The following TACC1 variants were observed in gnomAD, a reference collection of about 807,000 sequenced individuals.
TACC1 encodes transforming acidic coiled-coil-containing protein 1.
In TACC1, 48 loss-of-function variants were observed where a neutral mutation model predicts 84.4. The ratio of observed to expected loss-of-function variants is 0.57; its 90% CI spans 0.45 to 0.72. The LOEUF (loss-of-function observed/expected upper bound fraction) is 0.72. Ranked by LOEUF, TACC1 falls within the 30% of genes least tolerant of loss-of-function variation. The pLI, the probability that TACC1 is intolerant of heterozygous loss-of-function variation, is 0.00. For synonymous variants in TACC1, 372 were observed against 376.3 expected, an observed-to-expected ratio of 0.99 and a Z score of 0.13; for missense variants, 920 against 973.0, an observed-to-expected ratio of 0.95 and a Z score of 0.72.
At chr8:38,815,318 G>A (rs2088486862) in intron 2 of TACC1, among the ~76,000 whole-genome samples, 1 of 152,190 alleles carries the variant, frequency 6.6e-6, no homozygotes, top group Non-Finnish European at 1.5e-5. Context: ...TTTTAGAGAT[G>A]CACTTCCCAC....
chr8:38,832,098 C>T (rs1463426146), intron 6 of TACC1, among the ~76,000 whole-genome samples: 3 of 152,236 alleles, frequency 2.0e-5, no homozygotes, highest in African/African-American at 4.8e-5. Flanking sequence ...TGAGCCACTG[C>T]GCCCAGCCCA....
In TACC1 at chr8:38,787,433, GC is replaced by G; in HGVS notation, c.-145del. 7.4e-7 allele frequency: 1 copy of G among 1,357,104 alleles called. No individual in the cohort carries two copies. The highest frequency in any genetic ancestry group is 9.4e-7 in the Non-Finnish European group (1 of 1,061,076). 84.1% of individuals were successfully genotyped at this position (1,357,104 alleles called of 1,614,324 possible). ...CGGCGGGAGGAAGCGCTCCACCAGGGCCCCCGACGGCACTCGTTTAACCACA... is the reference window on the plus strand; with the variant it reads ...CGGCGGGAGGAAGCGCTCCACCAGGGCCCCGACGGCACTCGTTTAACCACA... On this transcript the variant is annotated 5_prime_UTR_variant, in exon 1 of 13. Coordinates refer to ENST00000317827, the MANE Select transcript of TACC1 (RefSeq NM_006283.3).
At chr8:38,789,462 A>T (rs1818143177) in intron 2 of TACC1, among the ~76,000 whole-genome samples, 1 of 152,248 alleles carries the variant, frequency 6.6e-6, no homozygotes, top group Non-Finnish European at 1.5e-5. Context: ...TTTACTAAAT[A>T]GAGTGCACTG....
chr8:38,750,657 A>G (rs900351870), intron 3 of TACC1, among the ~76,000 whole-genome samples: 1 of 152,260 alleles, frequency 6.6e-6, no homozygotes, highest in Non-Finnish European at 1.5e-5. Flanking sequence ...ACAAAAATCA[A>G]TTCTGTCTCA....
At chr8:38,785,532 G>A, upstream of TACC1, 1 of 246,496 alleles carries the variant, frequency 4.1e-6, no homozygotes, top group Non-Finnish European at 6.5e-6. Flanking sequence ...ATTTACAGTA[G>A]ATCATGAAAG....
At position 38,848,119 on chromosome 8, in the gene TACC1, G is replaced by GA; in HGVS notation, c.*97dup. 6.6e-6 allele frequency: 8 copies of GA among 1,216,520 alleles called. No individual in the cohort carries two copies. The highest frequency in any genetic ancestry group is 1.6e-5 in the African/African-American group (1 of 64,386). The allele number at this position is 1,216,520 out of a possible 1,614,324, so 75.4% of individuals were successfully genotyped here. A position where few individuals can be genotyped will look rare whatever the true frequency, so the allele number is the denominator to read the frequency against. On this transcript the variant is annotated 3_prime_UTR_variant, in exon 13 of 13. Transcript: ENST00000317827. ...ATCCAGGAATAATTGCCCCTTTGCA[G>GA]AGAAAAAAAAAAACTTAAAAAAAGC...
chr8:38,764,833 T>C (rs754500222), intron 3 of TACC1, among the ~76,000 whole-genome samples: 1 of 152,184 alleles, frequency 6.6e-6, no homozygotes, highest in Non-Finnish European at 1.5e-5. Flanking sequence ...GCACGGTGGC[T>C]AACACCTGTA....
chr8:38,832,956 C>G (rs1204340385), intron 6 of TACC1, among the ~76,000 whole-genome samples: 1 of 152,146 alleles, frequency 6.6e-6, no homozygotes, highest in African/African-American at 2.4e-5. Context: ...ATAGACTGGT[C>G]TTTGTTGGTC....
chr8:38,773,446 T>G (rs556423711), intron 3 of TACC1, among the ~76,000 whole-genome samples: 2 of 148,590 alleles, frequency 1.3e-5, no homozygotes, highest in Middle Eastern at 3.3e-3. Context: ...AAATAAATAC[T>G]AATATAATAT....
chr8:38,793,618 A>G (rs1039889400), intron 2 of TACC1, among the ~76,000 whole-genome samples: 1 of 152,116 alleles, frequency 6.6e-6, no homozygotes, highest in Admixed American at 6.5e-5. Context: ...TGAAATATAT[A>G]TTTTGGTAGA....
chr8:38,745,269 G>C, exon 3 of TACC1: 1 of 482,608 alleles, frequency 2.1e-6, no homozygotes, highest in Non-Finnish European at 3.7e-6. Context: ...AACAGAGCTC[G>C]CAGTTCAGGC....
intron 2 of TACC1, among the ~76,000 whole-genome samples, chr8:38,806,288 C>A (rs900561805): frequency 1.4e-4 from 22 of 152,140 alleles, no homozygotes; most frequent in African/African-American, 4.8e-4. Context: ...GACCTTGACT[C>A]CGTCATGCCA....
intron 2 of TACC1, among the ~76,000 whole-genome samples, chr8:38,812,906 T>C (rs183186960): frequency 2.0e-5 from 3 of 152,354 alleles, no homozygotes; most frequent in Admixed American, 2.0e-4. Context: ...ATAAAAATAC[T>C]TAGGTATTTG....
intron 2 of TACC1, among the ~76,000 whole-genome samples, chr8:38,818,911 G>T (rs1384036462): frequency 6.6e-6 from 1 of 151,938 alleles, no homozygotes; most frequent in Non-Finnish European, 1.5e-5. Flanking sequence ...CTGAGTGACT[G>T]GGACTACAGG....
chr8:38,787,823 G>A, intron 1 of TACC1, 80 bp downstream of exon 1: 1 of 1,315,850 alleles, frequency 7.6e-7, no homozygotes, highest in Non-Finnish European at 1.0e-6. Flanking sequence ...GCGTGTGTGT[G>A]GTCGCCACCC....
At chr8:38,791,851 A>G (rs780755667) in intron 2 of TACC1, among the ~76,000 whole-genome samples, 1 of 152,262 alleles carries the variant, frequency 6.6e-6, no homozygotes, top group African/African-American at 2.4e-5. Flanking sequence ...TGTGGGCTAC[A>G]TTTACCATAC....
chr8:38,819,911 G>T lies in TACC1; in HGVS notation c.667G>T (p.Val223Leu). ...AGCTGGCAACTCCTGTCCAGAGCTT[G>T]TGCCCAGCAGAAGAAGCAAGCTGAG... ...LKAGNSCPELVPSRRSKLRKP... is the reference protein window; with the variant it reads ...LKAGNSCPELLPSRRSKLRKP... The change falls in exon 3 of 13, where the codon GTG (valine) becomes TTG (leucine). Residue 223 changes from valine to leucine, a missense_variant. Val to Leu is a conservative substitution (Grantham distance 32). Coordinates refer to ENST00000317827, the MANE Select transcript of TACC1 (RefSeq NM_006283.3). The T allele has an allele frequency of 3.7e-6, 6 of 1,614,130 alleles. No individual in the cohort carries two copies. Among genetic ancestry groups the T allele is most frequent in the Non-Finnish European group, 5.1e-6 (6 of 1,180,040 alleles).
intron 3 of TACC1, among the ~76,000 whole-genome samples, chr8:38,777,496 C>T (rs1815062975): frequency 6.6e-6 from 1 of 152,128 alleles, no homozygotes; most frequent in Non-Finnish European, 1.5e-5. Context: ...GACATTGGCC[C>T]AGGGGCCAGG....
At chr8:38,737,434 G>A (rs1351554961) in intron 1 of TACC1, among the ~76,000 whole-genome samples, 1 of 152,202 alleles carries the variant, frequency 6.6e-6, no homozygotes, top group East Asian at 1.9e-4. Context: ...GACTGGGCTG[G>A]AACAGAAATC....
Sources: gnomAD v4.1 joint callset for allele counts (sites outside exome capture counted in the v4.1 genomes callset) on GRCh38, gnomAD v4.1.1 for gene constraint, MANE v1.5 for transcripts, NCBI Gene and HGNC (gene_info 2026-07-23, HGNC 2026-07-21) for gene names.